Variants in PHEX observed in about 807,000 individuals in gnomAD.
PHEX encodes the protein phosphate regulating endopeptidase X-linked.
In PHEX, 16 loss-of-function variants were observed where a neutral mutation model predicts 68.0. That is an observed-to-expected ratio of 0.24 (90% CI 0.16 to 0.36). The LOEUF (loss-of-function observed/expected upper bound fraction) is 0.36. PHEX is among the 10% of genes least tolerant of loss of function. The pLI is 1.00. For synonymous variants in PHEX, 208 were observed against 205.1 expected (o/e 1.01, Z -0.12); for missense variants, 480 against 575.5 (o/e 0.83, Z 1.70).
chrX:22,046,032 T>C (rs1334574381), intron 2 of PHEX, among the ~76,000 whole-genome samples: 2 of 112,307 alleles, frequency 1.8e-5, no homozygotes, highest in Non-Finnish European at 3.8e-5. Flanking sequence ...ATATTTCTCA[T>C]GATTTTGTGG....
intron 5 of PHEX, among the ~76,000 whole-genome samples, chrX:22,088,777 T>C (rs1430458825): frequency 8.9e-6 from 1 of 111,864 alleles, no homozygotes; most frequent in Non-Finnish European, 1.9e-5. Flanking sequence ...TTAAGTTTCT[T>C]TCAAGAGCAA....
rs746223770 is a variant in PHEX at position 22,098,795 on chromosome X, C to CAAAAAAAAAAAAAAAAA, written c.934-195_934-179dup. Among the ~76,000 whole-genome samples the CAAAAAAAAAAAAAAAAA allele has an allele frequency of 3.5e-4, 4 of 11,372 alleles. 1 individual carries two copies. Among genetic ancestry groups the CAAAAAAAAAAAAAAAAA allele is most frequent in the African/African-American group, 8.9e-4 (4 of 4,518 alleles). The allele number at this position is 11,372 out of a possible 115,157, so 9.9% of individuals were successfully genotyped here. A position where few individuals can be genotyped will look rare whatever the true frequency, so the allele number is the denominator to read the frequency against. ...CCTGGGTGATAGAGCGAGAATGTCT[C>CAAAAAAAAAAAAAAAAA]AAAAAAAAAAAAAAAAAAAAAAAAA... On this transcript the variant is annotated intron_variant, in intron 8 of 21. Coordinates refer to ENST00000379374, the MANE Select transcript of PHEX (RefSeq NM_000444.6).
intron 3 of PHEX, among the ~76,000 whole-genome samples, chrX:22,056,661 C>T (rs1160923496): frequency 3.7e-5 from 4 of 108,978 alleles, no homozygotes; most frequent in African/African-American, 6.7e-5. Context: ...GTTAGTCTGG[C>T]GTGGTGGCGG....
chrX:22,164,350 A>G (rs2089601841), intron 12 of PHEX, among the ~76,000 whole-genome samples: 3 of 112,188 alleles, frequency 2.7e-5, no homozygotes, highest in Admixed American at 1.9e-4. Flanking sequence ...GATGTTGGCA[A>G]TGTTGCTACT....
intron 10 of PHEX, among the ~76,000 whole-genome samples, chrX:22,112,943 A>G (rs949758460): frequency 1.8e-5 from 2 of 110,707 alleles, no homozygotes; most frequent in Non-Finnish European, 3.8e-5. Flanking sequence ...AGAGAACAGC[A>G]TAAAACAACT....
intron 15 of PHEX, among the ~76,000 whole-genome samples, chrX:22,193,233 T>A (rs1489931038): frequency 1.8e-5 from 2 of 111,272 alleles, no homozygotes; most frequent in East Asian, 5.6e-4. Context: ...ATAGAAATTG[T>A]TTAGATTATT....
At chrX:22,143,437 AGAAAT>A (rs781115571) in intron 12 of PHEX, among the ~76,000 whole-genome samples, 7 of 112,295 alleles carry the variant, frequency 6.2e-5, no homozygotes, top group African/African-American at 1.6e-4. Flanking sequence ...ATAAAAGAAA[AGAAAT>A]GAAGTGAGCA....
intron 9 of PHEX, among the ~76,000 whole-genome samples, chrX:22,100,725 A>G (rs1429104549): frequency 3.6e-5 from 4 of 112,067 alleles, no homozygotes; most frequent in Non-Finnish European, 5.6e-5. Flanking sequence ...TTTCATAACA[A>G]TGGAAAAGAG....
chrX:22,054,096 G>C (rs1927963779), intron 3 of PHEX, among the ~76,000 whole-genome samples: 1 of 111,960 alleles, frequency 8.9e-6, no homozygotes, highest in Non-Finnish European at 1.9e-5. Flanking sequence ...ATGTATAGTA[G>C]AGCTTTGACT....
chrX:22,070,825 T>TA (rs1928868931), intron 3 of PHEX, among the ~76,000 whole-genome samples: 1 of 112,398 alleles, frequency 8.9e-6, no homozygotes, highest in African/African-American at 3.2e-5. Flanking sequence ...AGGGTGTTTT[T>TA]AAGTGTTCCT....
Position 22,069,342 on chromosome X carries a change from G to T in PHEX, c.350-7046G>T, listed in dbSNP as rs2301306. The stretch of plus-strand genomic sequence containing the variant: ...TTCATTGTAATGCTATGCTATCAAA[G>T]AATAATGCTAAAATTGAAATTATTT... On this transcript the variant is annotated intron_variant, in intron 3 of 21. Transcript: ENST00000379374. Among the ~76,000 whole-genome samples the T allele has an allele frequency of 3.8e-4, 42 of 111,858 alleles. 1 individual carries two copies. In the East Asian group the frequency reaches 0.011, roughly 31 times the overall value.
At chrX:22,183,900 G>C (rs960657617) in intron 14 of PHEX, among the ~76,000 whole-genome samples, 3 of 111,746 alleles carry the variant, frequency 2.7e-5, no homozygotes, top group African/African-American at 9.8e-5. Context: ...TCCTAAATGT[G>C]TTATCTTTAA....
chrX:22,234,999 G>A (rs989856868), intron 20 of PHEX, among the ~76,000 whole-genome samples: 76 of 111,618 alleles, frequency 6.8e-4, no homozygotes, highest in African/African-American at 2.4e-3. Flanking sequence ...TGCAGGTTGC[G>A]AAGACCGTGG....
intron 11 of PHEX, among the ~76,000 whole-genome samples, chrX:22,124,033 G>C (rs1325751286): frequency 9.1e-6 from 1 of 109,416 alleles, no homozygotes; most frequent in African/African-American, 3.3e-5. Context: ...GGGTTTCACT[G>C]TGTTAGCCAG....
intron 15 of PHEX, among the ~76,000 whole-genome samples, chrX:22,199,052 G>A (rs1460864730): frequency 9.0e-6 from 1 of 111,444 alleles, no homozygotes; most frequent in Non-Finnish European, 1.9e-5. Flanking sequence ...GGAACAACCT[G>A]CCCCTATGAT....
At chrX:22,141,382 T>C (rs1190068684) in intron 12 of PHEX, among the ~76,000 whole-genome samples, 1 of 112,127 alleles carries the variant, frequency 8.9e-6, no homozygotes, top group African/African-American at 3.2e-5. Context: ...AATGGGAATA[T>C]TATTACTGCC....
intron 15 of PHEX, among the ~76,000 whole-genome samples, chrX:22,199,029 T>C (rs1934466437): frequency 9.0e-6 from 1 of 111,389 alleles, no homozygotes; most frequent in Admixed American, 9.6e-5. Context: ...TTCACTATCA[T>C]GAGAACAGCA....
At chrX:22,045,317 A>C (rs1602250551) in intron 2 of PHEX, among the ~76,000 whole-genome samples, 1 of 111,572 alleles carries the variant, frequency 9.0e-6, no homozygotes, top group East Asian at 2.8e-4. Context: ...ATTACTTCAA[A>C]CAAAAATATA....
intron 16 of PHEX, 76 bp downstream of exon 16, chrX:22,213,034 C>T (rs1200625008): frequency 1.3e-6 from 1 of 787,153 alleles, no homozygotes; most frequent in African/African-American, 2.0e-5. Context: ...ACAGAAGAAA[C>T]AAAGTCAAAG....
Sources: gnomAD v4.1 joint callset for allele counts (sites outside exome capture counted in the v4.1 genomes callset) on GRCh38, gnomAD v4.1.1 for gene constraint, MANE v1.5 for transcripts, NCBI Gene and HGNC (gene_info 2026-07-23, HGNC 2026-07-21) for gene names.